SGSM2: variants seen among roughly 807,000 people sequenced by gnomAD.
SGSM2 encodes the protein small G protein signaling modulator 2.
SGSM2 carries 89 observed loss-of-function variants against 126.6 expected under a neutral mutation model. That is an observed-to-expected ratio of 0.70 (90% CI 0.59 to 0.84). The LOEUF (loss-of-function observed/expected upper bound fraction) is 0.84. SGSM2 is among the 40% of genes least tolerant of loss of function. SGSM2 has a pLI of 0.00. For synonymous variants in SGSM2, 614 were observed against 574.3 expected, an observed-to-expected ratio of 1.07 and a Z score of -0.99; for missense variants, 1,404 against 1,416.6, an observed-to-expected ratio of 0.99 and a Z score of 0.14.
chr17:2,376,300 C>T (rs777264596), intron 19 of SGSM2, 39 bp downstream of exon 19: 2 of 1,579,172 alleles, frequency 1.3e-6, no homozygotes, highest in Non-Finnish European at 1.7e-6. Context: ...GAGGCGGGAC[C>T]CTGCCGCCAG....
In SGSM2 at chr17:2,338,208, G is replaced by A. The variant is rs755877462; in HGVS notation, c.57+463G>A. Among the ~76,000 whole-genome samples, 15 of 152,276 alleles carry A rather than the reference G, an allele frequency of 9.9e-5. 1 individual carries two copies. In the South Asian group the frequency reaches 1.5e-3, roughly 15 times the overall value. ...CTGAGCTCCCCCTTGTCCGACGTCC[G>A]CTGTGCCTCCAGCTACGGAGTGATC... On this transcript the variant is annotated intron_variant, in intron 1 of 23. Coordinates refer to ENST00000268989, the MANE Select transcript of SGSM2 (RefSeq NM_014853.3).
Position 2,367,232 on chromosome 17 carries a change from G to T in SGSM2, c.1289-39G>T, listed in dbSNP as rs766047736. 8 of 1,593,162 alleles carry T rather than the reference G, an allele frequency of 5.0e-6. No individual in the cohort carries two copies. The Admixed American group carries it at 1.4e-4, about 27-fold the overall frequency. On this transcript the variant is annotated intron_variant, in intron 11 of 23. Transcript: ENST00000268989. This position sits in a 1 kb window ranked among gnomAD's most constrained non-coding sequence, Gnocchi z 4.0. ...GGAGTCCGTCCTGCCCAGGGATGAGGGCCTCATGCCTCTGCCTCTCGCTGT... is the reference window on the plus strand; with the variant it reads ...GGAGTCCGTCCTGCCCAGGGATGAGTGCCTCATGCCTCTGCCTCTCGCTGT...
At position 2,373,063 on chromosome 17, in the gene SGSM2, C is replaced by T. The variant is rs565656930; in HGVS notation, c.1899C>T (p.Ser633=). The change falls in exon 16 of 24, where the codon AGC becomes AGT. Residue 633 remains serine (S), a synonymous_variant. Transcript: ENST00000268989. ...TTGGCCACTACAAGTTCGGCATGAG[C>T]AAGAAGGAGATGGAGCAGGTGAGGG... The part of the protein sequence containing the change: ...FLLGHYKFGM[S]KKEMEQVDAV... 5 of 1,610,104 alleles carry T rather than the reference C, an allele frequency of 3.1e-6. No individual in the cohort carries two copies. The highest frequency in any genetic ancestry group is 1.1e-5 in the South Asian group (1 of 90,406).
At position 2,375,734 on chromosome 17, in the gene SGSM2, C is replaced by T. The variant is rs759713426; in HGVS notation, c.2343C>T (p.Gly781=). The change falls in exon 18 of 24, where the codon GGC becomes GGT. Residue 781 remains glycine, a synonymous_variant. Transcript: ENST00000268989. ...GCGTGGGCTTCGAAGAGGAGGACGG[C>T]GGTGGGGAGGAAGGCTCCAGTGGGC... ...GQSVGFEEED[G]GGEEGSSGPG... 5.0e-6 allele frequency: 8 copies of T among 1,608,156 alleles called. No individual in the cohort carries two copies. The highest frequency in any genetic ancestry group is 1.3e-5 in the African/African-American group (1 of 74,812).
chr17:2,347,137 A>C (rs555117807), intron 2 of SGSM2, among the ~76,000 whole-genome samples: 1 of 152,088 alleles, frequency 6.6e-6, no homozygotes, highest in African/African-American at 2.4e-5. Context: ...ACGGAGTCTC[A>C]CTCTGCTGCC....
At position 2,379,110 on chromosome 17, in the gene SGSM2, G is replaced by A; in HGVS notation, c.2974G>A (p.Val992Ile). 1.2e-6 allele frequency: 2 copies of A among 1,614,260 alleles called. No individual in the cohort carries two copies. Among genetic ancestry groups the A allele is most frequent in the Non-Finnish European group, 1.7e-6 (2 of 1,180,042 alleles). The change falls in exon 23 of 24, where the codon GTC becomes ATC. Residue 992 changes from valine (V) to isoleucine (I), a missense_variant. Transcript: ENST00000268989. ...AARHISSEHF[V>I]LFIALALVEA... ...CAGGCACATCTCATCGGAGCACTTT[G>A]TCCTGTTCATCGCCCTCGCCCTGGT...
intron 22 of SGSM2, among the ~76,000 whole-genome samples, chr17:2,378,549 G>A (rs182372023): frequency 2.8e-4 from 43 of 151,594 alleles, no homozygotes; most frequent in African/African-American, 9.4e-4. Context: ...AAAAAGAAAA[G>A]AAAAGAAAAA....
chr17:2,349,370 G>A (rs898806884), intron 2 of SGSM2, among the ~76,000 whole-genome samples: 10 of 94,756 alleles, frequency 1.1e-4, no homozygotes, highest in African/African-American at 8.5e-5. Context: ...GCGAGACTTG[G>A]TCTAAAAAAA....
At chr17:2,349,973 G>A (rs2064780612) in intron 2 of SGSM2, among the ~76,000 whole-genome samples, 1 of 151,990 alleles carries the variant, frequency 6.6e-6, no homozygotes, top group African/African-American at 2.4e-5. Flanking sequence ...ATTTTTAGTA[G>A]ACATGGGGTT....
intron 1 of SGSM2, among the ~76,000 whole-genome samples, chr17:2,338,426 C>T (rs1226908438): frequency 6.6e-6 from 1 of 152,124 alleles, no homozygotes; most frequent in Non-Finnish European, 1.5e-5. Flanking sequence ...TGCCCAAAAG[C>T]CCATTTCCAT....
At chr17:2,369,409 G>A (rs1330264793) in intron 12 of SGSM2, among the ~76,000 whole-genome samples, 10 of 152,082 alleles carry the variant, frequency 6.6e-5, no homozygotes, top group Non-Finnish European at 1.3e-4. Context: ...TGTGGGGTTC[G>A]CCCACCCTGT....
intron 2 of SGSM2, among the ~76,000 whole-genome samples, chr17:2,346,312 T>C (rs976942463): frequency 6.6e-6 from 1 of 152,154 alleles, no homozygotes; most frequent in African/African-American, 2.4e-5. Context: ...CACCGACCCA[T>C]GGTTCTTGGC....
rs1287568181 is a variant in SGSM2 at position 2,379,679 on chromosome 17, T to C, written c.*159T>C. On this transcript the variant is annotated 3_prime_UTR_variant, in exon 24 of 24. Coordinates refer to ENST00000268989, the MANE Select transcript of SGSM2 (RefSeq NM_014853.3). ...ATCCGACTCCCGGCAGTGCTGACCC[T>C]GCAGGGCAAGTCAGGGGCCAGGATG... The C allele has an allele frequency of 1.4e-6, 2 of 1,435,566 alleles. No individual in the cohort carries two copies. Among genetic ancestry groups the C allele is most frequent in the East Asian group, 2.5e-5 (1 of 39,596 alleles). 88.9% of individuals were successfully genotyped at this position (1,435,566 alleles called of 1,614,324 possible).
At chr17:2,340,836 G>C (rs891150369) in intron 1 of SGSM2, among the ~76,000 whole-genome samples, 1 of 152,066 alleles carries the variant, frequency 6.6e-6, no homozygotes, top group Non-Finnish European at 1.5e-5. Flanking sequence ...CGCCCACCTT[G>C]GCCTCCCAAA....
At chr17:2,368,464 G>A (rs1236625661) in intron 12 of SGSM2, among the ~76,000 whole-genome samples, 1 of 152,156 alleles carries the variant, frequency 6.6e-6, no homozygotes. Context: ...CCCTGCAGAG[G>A]ATGTCCTCAG....
intron 2 of SGSM2, among the ~76,000 whole-genome samples, chr17:2,354,944 A>C (rs62067004): frequency 2.0e-5 from 2 of 102,006 alleles, no homozygotes; most frequent in African/African-American, 5.2e-5. Flanking sequence ...AGCGTTGGGG[A>C]AGGGACCCCA....
rs930833030 is a variant in SGSM2 at position 2,337,952 on chromosome 17, C to T, written c.57+207C>T. On this transcript the variant is annotated intron_variant, in intron 1 of 23. Transcript: ENST00000268989. This position sits in a 1 kb window ranked among gnomAD's most constrained non-coding sequence, Gnocchi z 5.1. ...GCCCGGGGGACCCGGCCGGCGCTCC[C>T]GGCTTGTTTGCTTCGCAGCCCCGCA... 2.6e-5 allele frequency among the ~76,000 whole-genome samples: 4 copies of T among 151,992 alleles called. No homozygotes were observed. Among genetic ancestry groups the T allele is most frequent in the Non-Finnish European group, 4.4e-5 (3 of 67,928 alleles).
rs1403564988 is a variant in SGSM2 at position 2,372,656 on chromosome 17, G to T, written c.1788+168G>T. 9.8e-7 allele frequency: 1 copy of T among 1,025,638 alleles called. No individual in the cohort carries two copies. The highest frequency in any genetic ancestry group is 1.4e-6 in the Non-Finnish European group (1 of 696,774). 63.5% of individuals were successfully genotyped at this position (1,025,638 alleles called of 1,614,324 possible). A position where few individuals can be genotyped will look rare whatever the true frequency, so the allele number is the denominator to read the frequency against. ...TTGCAGCTGGGCCTGGGGCTGACAC[G>T]GGAAGGGGGCTGGACTGGGAAGCCG... On this transcript the variant is annotated intron_variant, in intron 15 of 23. Coordinates refer to ENST00000268989, the MANE Select transcript of SGSM2 (RefSeq NM_014853.3). The surrounding 1 kb of genome is among the most constrained non-coding windows in gnomAD (Gnocchi z 6.0).
chr17:2,375,514 T>TGGAACCCCC lies in SGSM2; in HGVS notation c.2127_2135dup (p.Pro711_Pro713dup), dbSNP rs1468454544. 1 of 1,611,288 alleles carries TGGAACCCCC rather than the reference T, an allele frequency of 6.2e-7. No individual in the cohort carries two copies. The highest frequency in any genetic ancestry group is 1.3e-5 in the African/African-American group (1 of 74,876). The stretch of plus-strand genomic sequence containing the variant: ...CAGGTGTTTATCTCAGTGGATGATC[T>TGGAACCCCC]GGAACCCCCGGAGCCCCAGGACCCT... On this transcript the variant is annotated inframe_insertion, in exon 18 of 24. Coordinates refer to ENST00000268989, the MANE Select transcript of SGSM2 (RefSeq NM_014853.3).
Sources: gnomAD v4.1 joint callset for allele counts (sites outside exome capture counted in the v4.1 genomes callset) on GRCh38, gnomAD v4.1.1 for gene constraint, Gnocchi (gnomAD v3.1) non-coding constraint, MANE v1.5 for transcripts, NCBI Gene and HGNC (gene_info 2026-07-23, HGNC 2026-07-21) for gene names.